BASP1: variants seen among roughly 807,000 people sequenced by gnomAD.
BASP1 encodes brain abundant membrane attached signal protein 1, also known as brain acid soluble protein 1.
BASP1 carries 1 observed loss-of-function variant against 2.2 expected under a neutral mutation model. The observed-to-expected ratio is 0.46, with a 90% CI of 0.16 to 2.17. The LOEUF is 2.17. BASP1 is among the 30% of genes most tolerant of loss of function. The pLI, the probability that BASP1 is intolerant of heterozygous loss-of-function variation, is 0.27. For synonymous variants in BASP1, 187 were observed against 154.2 expected, an observed-to-expected ratio of 1.21 and a Z score of -1.58; for missense variants, 352 against 327.2, an observed-to-expected ratio of 1.08 and a Z score of -0.58.
intron 1 of BASP1, among the ~76,000 whole-genome samples, chr5:17,257,674 C>CT (rs1166830884): frequency 6.6e-6 from 1 of 152,148 alleles, no homozygotes; most frequent in African/African-American, 2.4e-5. Flanking sequence ...TGCCTATGTG[C>CT]TTTTTTTCAC....
chr5:17,238,632 A>T (rs962462551), intron 1 of BASP1, among the ~76,000 whole-genome samples: 1 of 152,116 alleles, frequency 6.6e-6, no homozygotes, highest in Non-Finnish European at 1.5e-5. Context: ...AACCTGACCT[A>T]CTTTTCCCCT....
At chr5:17,266,814 CAAAAAA>C (rs70943882) in intron 1 of BASP1, among the ~76,000 whole-genome samples, 2 of 111,484 alleles carry the variant, frequency 1.8e-5, no homozygotes, top group South Asian at 6.1e-4. Context: ...GATCCTGTCT[CAAAAAA>C]AAAAAAAAAA....
intron 1 of BASP1, among the ~76,000 whole-genome samples, chr5:17,234,920 A>C (rs961065179): frequency 2.0e-5 from 3 of 152,232 alleles, no homozygotes; most frequent in African/African-American, 4.8e-5. Flanking sequence ...TTTTATGTGA[A>C]TATCACTGTA....
chr5:17,263,125 G>A (rs945276614), intron 1 of BASP1, among the ~76,000 whole-genome samples: 10 of 152,286 alleles, frequency 6.6e-5, no homozygotes, highest in African/African-American at 2.4e-4. Context: ...GGGATTACAG[G>A]CGTGAGCCAC....
At chr5:17,254,083 T>C (rs113231909) in intron 1 of BASP1, among the ~76,000 whole-genome samples, 10,184 of 152,188 alleles carry the variant, frequency 0.067, 478 homozygotes, top group Middle Eastern at 0.14. Context: ...ACTAGATCTT[T>C]AAGGGAAAAA....
intron 1 of BASP1, among the ~76,000 whole-genome samples, chr5:17,269,466 C>A (rs2126519930): frequency 6.6e-6 from 1 of 152,304 alleles, no homozygotes; most frequent in East Asian, 1.9e-4. Flanking sequence ...CCTTTTCAGG[C>A]CTCCCTCTGA....
chr5:17,218,593 C>T (rs994058710), intron 1 of BASP1, among the ~76,000 whole-genome samples: 19 of 152,216 alleles, frequency 1.2e-4, no homozygotes, highest in Non-Finnish European at 2.6e-4. Context: ...TGGGTCCCGG[C>T]CCCGGCCCGG....
chr5:17,227,011 C>G (rs369041190), intron 1 of BASP1, among the ~76,000 whole-genome samples: 6 of 151,446 alleles, frequency 4.0e-5, no homozygotes, highest in African/African-American at 1.5e-4. Context: ...TCACTGCAAC[C>G]TCAGCCTCCT....
upstream of BASP1, chr5:17,217,053 G>GGAGAGAGAGAGAGAGAGAGA (rs146244333): frequency 1.5e-4 from 16 of 104,220 alleles, no homozygotes; most frequent in Admixed American, 4.3e-4. Context: ...TAAATGAGGG[G>GGAGAGAGAGAGAGAGAGAGA]GAGAGAGAGA....
At position 17,251,893 on chromosome 5, in the gene BASP1, A is replaced by G. The variant is rs1740108635; in HGVS notation, c.-9-23315A>G. 2.6e-5 allele frequency among the ~76,000 whole-genome samples: 4 copies of G among 152,182 alleles called. No individual in the cohort carries two copies. In the South Asian group the frequency reaches 8.3e-4, roughly 31 times the overall value. ...CATCCTGTTGGGTCAGTTGTAGACCACTATGTGCATGAGTCTGAAGCTCAA... is the reference window on the plus strand; with the variant it reads ...CATCCTGTTGGGTCAGTTGTAGACCGCTATGTGCATGAGTCTGAAGCTCAA... On this transcript the variant is annotated intron_variant, in intron 1 of 1. Transcript: ENST00000322611. The surrounding 1 kb of genome is among the most constrained non-coding windows in gnomAD (Gnocchi z 4.0).
At chr5:17,235,361 C>T (rs1393572671) in intron 1 of BASP1, among the ~76,000 whole-genome samples, 1 of 151,540 alleles carries the variant, frequency 6.6e-6, no homozygotes, top group Non-Finnish European at 1.5e-5. Context: ...CCCAGGTTCA[C>T]GCCATTCTCC....
At chr5:17,223,396 A>G (rs1739428431) in intron 1 of BASP1, among the ~76,000 whole-genome samples, 1 of 152,182 alleles carries the variant, frequency 6.6e-6, no homozygotes. Flanking sequence ...TGTGAATATC[A>G]GTTTTCTTTA....
At chr5:17,252,238 T>C (rs1029572258) in intron 1 of BASP1, among the ~76,000 whole-genome samples, 1 of 152,142 alleles carries the variant, frequency 6.6e-6, no homozygotes, top group African/African-American at 2.4e-5. Context: ...TATTTTTTGG[T>C]ATTATGGAAA....
At chr5:17,254,748 A>G (rs1233222621) in intron 1 of BASP1, among the ~76,000 whole-genome samples, 2 of 152,254 alleles carry the variant, frequency 1.3e-5, no homozygotes, top group African/African-American at 4.8e-5. Context: ...AGTATGTACC[A>G]TGCTTAGGAC....
rs1307907737 is a variant in BASP1 at position 17,275,371 on chromosome 5, A to G, written c.155A>G (p.Lys52Arg). The G allele has an allele frequency of 6.3e-7, 1 of 1,599,496 alleles. No homozygotes were observed. Among genetic ancestry groups the G allele is most frequent in the South Asian group, 1.1e-5 (1 of 90,122 alleles). The change falls in exon 2 of 2, where the codon AAG (lysine) becomes AGG (arginine). Residue 52 changes from lysine to arginine, a missense_variant. Transcript: ENST00000322611. The surrounding 1 kb of genome is among the most constrained non-coding windows in gnomAD (Gnocchi z 5.3). Reference protein sequence around the residue: ...PQAAAEPAEAKEGKEKPDQDA... With the variant: ...PQAAAEPAEAREGKEKPDQDA... ...GCGGCCGCAGAGCCCGCCGAGGCCA[A>G]GGAGGGCAAGGAGAAGCCCGACCAG... is the stretch of plus-strand genomic sequence containing the variant.
intron 1 of BASP1, among the ~76,000 whole-genome samples, chr5:17,267,386 G>A (rs1740433746): frequency 6.6e-6 from 1 of 152,070 alleles, no homozygotes; most frequent in Admixed American, 6.5e-5. Flanking sequence ...ATTCCATCCT[G>A]ACTCATTCCT....
chr5:17,221,418 T>C (rs1739392126), intron 1 of BASP1, among the ~76,000 whole-genome samples: 1 of 151,988 alleles, frequency 6.6e-6, no homozygotes. Context: ...AACTATTATT[T>C]GTCAGAAGCA....
intron 1 of BASP1, among the ~76,000 whole-genome samples, chr5:17,244,378 T>C (rs1489998797): frequency 6.6e-6 from 1 of 152,196 alleles, no homozygotes; most frequent in East Asian, 1.9e-4. Flanking sequence ...TTTTCCAGTA[T>C]CAGGAAAACA....
rs370742907 is a variant in BASP1 at position 17,275,166 on chromosome 5, C to T, written c.-9-42C>T. On this transcript the variant is annotated intron_variant, in intron 1 of 1. Coordinates refer to ENST00000322611, the MANE Select transcript of BASP1 (RefSeq NM_006317.5). This position sits in a 1 kb window ranked among gnomAD's most constrained non-coding sequence, Gnocchi z 5.3. Reference sequence around the variant, plus strand: ...CAGCTTTTTGTGGTCCCCACACTTGCCTAGTAACCGCCGTTTTGTTTTGTT... The same window carrying T: ...CAGCTTTTTGTGGTCCCCACACTTGTCTAGTAACCGCCGTTTTGTTTTGTT... 5 of 1,599,504 alleles carry T rather than the reference C, an allele frequency of 3.1e-6. No individual in the cohort carries two copies. Among genetic ancestry groups the T allele is most frequent in the Admixed American group, 1.7e-5 (1 of 58,930 alleles).
Sources: gnomAD v4.1 joint callset for allele counts (sites outside exome capture counted in the v4.1 genomes callset) on GRCh38, gnomAD v4.1.1 for gene constraint, Gnocchi (gnomAD v3.1) non-coding constraint, MANE v1.5 for transcripts, NCBI Gene and HGNC (gene_info 2026-07-23, HGNC 2026-07-21) for gene names.